SGPP1: variants seen among roughly 807,000 people sequenced by gnomAD.
SGPP1 encodes the protein hSPP1.
In SGPP1, 21 loss-of-function variants were observed where a neutral mutation model predicts 33.0. The observed-to-expected ratio is 0.64, with a 90% CI of 0.45 to 0.92. The LOEUF (loss-of-function observed/expected upper bound fraction) is 0.92, where lower values mean the gene tolerates loss of function less well. SGPP1 is among the 40% of genes least tolerant of loss of function. SGPP1 has a pLI of 0.00. For missense variants in SGPP1, 543 were observed against 589.4 expected (o/e 0.92, Z 0.81); for synonymous variants, 239 against 241.2 (o/e 0.99, Z 0.08).
chr14:63,701,086 C>G (rs1352890961), intron 1 of SGPP1, among the ~76,000 whole-genome samples: 1 of 151,944 alleles, frequency 6.6e-6, no homozygotes, highest in Non-Finnish European at 1.5e-5. Flanking sequence ...ACTCAAGCGA[C>G]CCTCCTACCT....
chr14:63,691,289 T>C (rs1226973410), intron 2 of SGPP1, among the ~76,000 whole-genome samples: 1 of 152,208 alleles, frequency 6.6e-6, no homozygotes, highest in Non-Finnish European at 1.5e-5. Context: ...ATGTGTGCAT[T>C]CCAACTCTTA....
In SGPP1 at chr14:63,685,497, TAAA is replaced by T. The variant is rs1168989012; in HGVS notation, c.*605_*607del. ...TAATTTTTCTAAAAATTTGGTCCATTAAAAATGCCTCCCATGTTCAACATCATG... is the reference window on the plus strand; with the variant it reads ...TAATTTTTCTAAAAATTTGGTCCATTAATGCCTCCCATGTTCAACATCATG... On this transcript the variant is annotated 3_prime_UTR_variant, in exon 3 of 3. Transcript: ENST00000247225. 6.6e-6 allele frequency: 1 copy of T among 152,310 alleles called. No homozygotes were observed. The highest frequency in any genetic ancestry group is 1.5e-5 in the Non-Finnish European group (1 of 67,878). 9.4% of individuals were successfully genotyped at this position (152,310 alleles called of 1,614,324 possible).
Position 63,685,659 on chromosome 14 carries a change from G to A in SGPP1, c.*446C>T, listed in dbSNP as rs983012231. 1.3e-5 allele frequency: 2 copies of A among 151,690 alleles called. No individual in the cohort carries two copies. The highest frequency in any genetic ancestry group is 2.4e-5 in the African/African-American group (1 of 41,266). The allele number at this position is 151,690 out of a possible 1,614,324, so 9.4% of individuals were successfully genotyped here. A position where few individuals can be genotyped will look rare whatever the true frequency, so the allele number is the denominator to read the frequency against. On this transcript the variant is annotated 3_prime_UTR_variant, in exon 3 of 3. Coordinates refer to ENST00000247225, the MANE Select transcript of SGPP1 (RefSeq NM_030791.4). ...TAGTAAATAAATGTTAAATATATCT[G>A]TTAATAACAACATACCTGTATGTAG...
intron 2 of SGPP1, among the ~76,000 whole-genome samples, chr14:63,693,687 T>C (rs1018249794): frequency 9.9e-5 from 15 of 152,076 alleles, no homozygotes; most frequent in African/African-American, 3.6e-4. Flanking sequence ...AATCACAGCT[T>C]ATTGCAGCCT....
intron 1 of SGPP1, among the ~76,000 whole-genome samples, chr14:63,701,967 A>T (rs1434590820): frequency 6.7e-6 from 1 of 150,024 alleles, no homozygotes. Flanking sequence ...AAAAAAAGTC[A>T]ACTTTAAAAA....
At chr14:63,717,317 CTTT>C (rs111825145) in intron 1 of SGPP1, among the ~76,000 whole-genome samples, 5 of 139,064 alleles carry the variant, frequency 3.6e-5, no homozygotes, top group South Asian at 4.6e-4. Flanking sequence ...TGGAATTTCT[CTTT>C]TTTTTTTTTT....
chr14:63,706,969 G>C (rs1220472900), intron 1 of SGPP1, among the ~76,000 whole-genome samples: 2 of 149,106 alleles, frequency 1.3e-5, no homozygotes, highest in African/African-American at 5.0e-5. Context: ...CTTGAACATG[G>C]AGGCAGAGGT....
intron 2 of SGPP1, among the ~76,000 whole-genome samples, chr14:63,691,957 GA>G (rs959042520): frequency 1.5e-4 from 23 of 149,258 alleles, no homozygotes; most frequent in African/African-American, 4.4e-4. Context: ...AAAAGAGAAA[GA>G]AAAAAAAAGA....
intron 1 of SGPP1, among the ~76,000 whole-genome samples, chr14:63,708,249 T>A (rs1373811591): frequency 7.2e-6 from 1 of 138,360 alleles, no homozygotes; most frequent in Non-Finnish European, 1.6e-5. Context: ...ATAGCAGCAA[T>A]CCTTTTTTTT....
chr14:63,717,646 G>A (rs370424873), intron 1 of SGPP1, among the ~76,000 whole-genome samples: 12 of 152,076 alleles, frequency 7.9e-5, no homozygotes, highest in African/African-American at 1.4e-4. Context: ...CCAAAGAACC[G>A]AATGGAAGTG....
intron 1 of SGPP1, among the ~76,000 whole-genome samples, chr14:63,705,140 AAAAAC>A (rs1034699121): frequency 6.6e-6 from 1 of 151,418 alleles, no homozygotes; most frequent in Non-Finnish European, 1.5e-5. Context: ...AAAAAAACAA[AAAAAC>A]AAAACAAAAC....
chr14:63,690,799 C>T (rs1885078295), intron 2 of SGPP1, among the ~76,000 whole-genome samples: 1 of 152,186 alleles, frequency 6.6e-6, no homozygotes, highest in African/African-American at 2.4e-5. Context: ...CAGCCTCTAC[C>T]TCCTGGCTTC....
In SGPP1 at chr14:63,727,725, T is replaced by G. The variant is rs1236269992; in HGVS notation, c.220A>C (p.Asn74His). The G allele has an allele frequency of 1.4e-6, 2 of 1,435,550 alleles. No individual in the cohort carries two copies. Among genetic ancestry groups the G allele is most frequent in the African/African-American group, 3.0e-5 (2 of 66,596 alleles). The allele number at this position is 1,435,550 out of a possible 1,614,324, so 88.9% of individuals were successfully genotyped here. The change falls in exon 1 of 3, where the codon AAT becomes CAT. Residue 74 changes from asparagine to histidine, a missense_variant. Coordinates refer to ENST00000247225, the MANE Select transcript of SGPP1 (RefSeq NM_030791.4). ...CCGTCCGGCTTGGCCGGGCACTGAT[T>G]GCGGTCGCTCCCGGGAGGCTGGGGG... The part of the protein sequence containing the change: ...GGPQPPGSDR[N>H]QCPAKPDGGG...
intron 1 of SGPP1, among the ~76,000 whole-genome samples, chr14:63,715,026 C>CTT (rs1164699481): frequency 4.9e-4 from 65 of 132,706 alleles, no homozygotes; most frequent in East Asian, 1.3e-3. Context: ...CCCAGCCGAC[C>CTT]TTTTTTTTTT....
At chr14:63,697,483 T>G (rs947432997) in intron 2 of SGPP1, among the ~76,000 whole-genome samples, 1 of 148,904 alleles carries the variant, frequency 6.7e-6, no homozygotes, top group Non-Finnish European at 1.5e-5. Flanking sequence ...TTTATCTCCA[T>G]GATAATACAT....
In SGPP1 at chr14:63,691,778, T is replaced by C. The variant is rs748318681; in HGVS notation, c.775-5122A>G. 5.9e-5 allele frequency among the ~76,000 whole-genome samples: 9 copies of C among 152,204 alleles called. 1 individual carries two copies. The highest frequency in any genetic ancestry group is 8.8e-5 in the Non-Finnish European group (6 of 68,040). On this transcript the variant is annotated intron_variant, in intron 2 of 2. Transcript: ENST00000247225. ...CTGGTTGAAAACAATTGCATTACAC[T>C]GTTTTATTACATACTGCATATTTAG...
chr14:63,708,421 ATT>A (rs1259120518), intron 1 of SGPP1, among the ~76,000 whole-genome samples: 2 of 135,046 alleles, frequency 1.5e-5, no homozygotes, highest in Non-Finnish European at 3.2e-5. Context: ...ATGCCCAGCT[ATT>A]TTTTTTTTTT....
At chr14:63,712,544 TG>T (rs1885546132) in intron 1 of SGPP1, among the ~76,000 whole-genome samples, 1 of 152,240 alleles carries the variant, frequency 6.6e-6, no homozygotes, top group South Asian at 2.1e-4. Context: ...TAAAAGTAGC[TG>T]CAAATAAAGT....
intron 1 of SGPP1, among the ~76,000 whole-genome samples, chr14:63,715,758 C>A (rs1885610994): frequency 6.6e-6 from 1 of 152,138 alleles, no homozygotes; most frequent in Non-Finnish European, 1.5e-5. Context: ...AGAGGGAACT[C>A]ATGAAGTTGC....
Sources: allele counts gnomAD v4.1 joint callset (sites outside exome capture counted in the v4.1 genomes callset), GRCh38; gene constraint gnomAD v4.1.1; transcripts MANE v1.5; gene names NCBI Gene and HGNC (gene_info 2026-07-23, HGNC 2026-07-21).